DCC: variants seen among roughly 807,000 people sequenced by gnomAD.
DCC encodes the protein DCC netrin 1 receptor.
Under a neutral mutation model 172.5 loss-of-function variants are expected in DCC, and 58 were observed. The observed-to-expected ratio is 0.34, with a 90% CI of 0.27 to 0.42. The LOEUF is 0.42. Among genes scored for constraint, DCC ranks in the 10% least tolerant of loss-of-function variants. The probability of loss-of-function intolerance (pLI) is 1.00; values close to 1 mark genes in which losing one functional copy is unlikely to be tolerated. For missense variants in DCC, 1,740 were observed against 1,791.0 expected, an observed-to-expected ratio of 0.97 and a Z score of 0.51; for synonymous variants, 709 against 644.5, an observed-to-expected ratio of 1.10 and a Z score of -1.52.
intron 12 of DCC, among the ~76,000 whole-genome samples, chr18:53,281,645 G>A (rs2056873665): frequency 6.6e-6 from 1 of 152,074 alleles, no homozygotes; most frequent in African/African-American, 2.4e-5. Flanking sequence ...GCTCATATGA[G>A]CCCATTGTTA....
chr18:53,170,750 C>T (rs17486305), intron 8 of DCC, among the ~76,000 whole-genome samples: 43,067 of 152,098 alleles, frequency 0.28, 7,825 homozygotes, highest in Non-Finnish European at 0.41. Flanking sequence ...TTTTATAGCA[C>T]ATATGTTGTA....
At chr18:53,341,156 C>T (rs1248655768) in intron 15 of DCC, among the ~76,000 whole-genome samples, 1 of 152,190 alleles carries the variant, frequency 6.6e-6, no homozygotes, top group African/African-American at 2.4e-5. Context: ...GGGACTCTCA[C>T]TTATCCATTA....
At chr18:52,665,108 G>A (rs1468488284) in intron 1 of DCC, among the ~76,000 whole-genome samples, 1 of 152,218 alleles carries the variant, frequency 6.6e-6, no homozygotes, top group East Asian at 1.9e-4. Context: ...TATGAGAAAA[G>A]CCATCTAGTA....
At chr18:53,397,811 C>T (rs1909050365) in intron 18 of DCC, among the ~76,000 whole-genome samples, 1 of 152,038 alleles carries the variant, frequency 6.6e-6, no homozygotes, top group South Asian at 2.1e-4. Context: ...AGGTATTTCT[C>T]ATTTTGAAAA....
At chr18:53,387,024 G>A (rs1310219116) in intron 16 of DCC, among the ~76,000 whole-genome samples, 2 of 152,098 alleles carry the variant, frequency 1.3e-5, no homozygotes, top group South Asian at 2.1e-4. Context: ...CACACCCTTC[G>A]GACGTCGTTT....
intron 12 of DCC, among the ~76,000 whole-genome samples, chr18:53,293,571 G>GGTACTAAGCCTA (rs1568035845): frequency 1.3e-5 from 2 of 152,076 alleles, no homozygotes; most frequent in Admixed American, 6.6e-5. Flanking sequence ...TTGTCACCCA[G>GGTACTAAGCCTA]GTACTAAGCC....
At chr18:53,012,037 T>G (rs765006777) in intron 5 of DCC, among the ~76,000 whole-genome samples, 7 of 151,846 alleles carry the variant, frequency 4.6e-5, no homozygotes, top group South Asian at 2.1e-4. Context: ...AAAAGACTAA[T>G]AATGCAAAAT....
intron 1 of DCC, among the ~76,000 whole-genome samples, chr18:52,589,786 C>T (rs185439589): frequency 1.3e-5 from 2 of 152,152 alleles, no homozygotes; most frequent in East Asian, 1.9e-4. Flanking sequence ...TTAGAAGGGA[C>T]TTATATGTGG....
intron 21 of DCC, among the ~76,000 whole-genome samples, chr18:53,426,423 TTATA>T (rs200303122): frequency 0.31 from 34,211 of 111,532 alleles, 4,564 homozygotes; most frequent in South Asian, 0.45. Context: ...TGATATATAT[TTATA>T]TATTTATATT....
At chr18:52,654,116 G>A (rs962995027) in intron 1 of DCC, among the ~76,000 whole-genome samples, 4 of 152,114 alleles carry the variant, frequency 2.6e-5, no homozygotes, top group African/African-American at 7.2e-5. Flanking sequence ...GCACCATTAA[G>A]GTACCAAATT....
At chr18:52,986,828 A>G (rs1044489512) in intron 5 of DCC, among the ~76,000 whole-genome samples, 2 of 131,512 alleles carry the variant, frequency 1.5e-5, no homozygotes, top group Non-Finnish European at 3.1e-5. Context: ...ACACACACAC[A>G]TATACATACA....
intron 1 of DCC, among the ~76,000 whole-genome samples, chr18:52,650,077 C>G (rs2035102466): frequency 6.8e-6 from 1 of 146,644 alleles, no homozygotes; most frequent in Non-Finnish European, 1.5e-5. Flanking sequence ...CTCCTGGGTT[C>G]AAGCAATTCT....
chr18:53,170,665 G>A (rs2054999780), intron 8 of DCC, among the ~76,000 whole-genome samples: 1 of 152,120 alleles, frequency 6.6e-6, no homozygotes, highest in Admixed American at 6.5e-5. Context: ...TTAAGTATCA[G>A]GTGCCATGTA....
intron 1 of DCC, among the ~76,000 whole-genome samples, chr18:52,750,163 A>T (rs2036972814): frequency 6.6e-6 from 1 of 152,186 alleles, no homozygotes. Flanking sequence ...AAAGCCTCCA[A>T]ACTAGATGTT....
At chr18:52,657,636 G>A (rs2144939800) in intron 1 of DCC, among the ~76,000 whole-genome samples, 1 of 152,202 alleles carries the variant, frequency 6.6e-6, no homozygotes, top group East Asian at 1.9e-4. Context: ...AAGACAGCTG[G>A]GTTGGTGTAC....
chr18:52,729,693 T>C (rs1441481306), intron 1 of DCC, among the ~76,000 whole-genome samples: 5 of 152,208 alleles, frequency 3.3e-5, no homozygotes, highest in Admixed American at 1.3e-4. Flanking sequence ...GTGAAAGAAA[T>C]ATTTACTGTT....
intron 2 of DCC, among the ~76,000 whole-genome samples, chr18:52,859,678 A>G (rs530331738): frequency 6.4e-4 from 97 of 152,334 alleles, no homozygotes; most frequent in Middle Eastern, 3.4e-3. Flanking sequence ...CCATCAATGC[A>G]GGTTTTCTCT....
At chr18:52,552,038 C>T (rs1370453684) in intron 1 of DCC, among the ~76,000 whole-genome samples, 1 of 152,034 alleles carries the variant, frequency 6.6e-6, no homozygotes, top group Non-Finnish European at 1.5e-5. Context: ...ATATCAAAGC[C>T]TATAGGCCTA....
At chr18:52,466,985 T>G (rs1452058534) in intron 1 of DCC, among the ~76,000 whole-genome samples, 1 of 152,088 alleles carries the variant, frequency 6.6e-6, no homozygotes, top group Non-Finnish European at 1.5e-5. Context: ...AGCCTGAGTT[T>G]GAGCCCATGT....
Sources: allele counts gnomAD v4.1 joint callset (sites outside exome capture counted in the v4.1 genomes callset), GRCh38; gene constraint gnomAD v4.1.1; transcripts MANE v1.5; gene names NCBI Gene and HGNC (gene_info 2026-07-23, HGNC 2026-07-21).